Variants in SMIM35 observed in about 807,000 individuals in gnomAD.
SMIM35 encodes small integral membrane protein 35.
In SMIM35 at chr11:118,058,680, A is replaced by G. The variant is rs1944351657; in HGVS notation, c.7+28071T>C. 2.0e-5 allele frequency among the ~76,000 whole-genome samples: 3 copies of G among 152,292 alleles called. No individual in the cohort carries two copies. In the South Asian group the frequency reaches 6.2e-4, roughly 32 times the overall value. On this transcript the variant is annotated intron_variant, in intron 1 of 4. Transcript: ENST00000689828. ...AGTGCAGACTGGGAACCAAAAACCCAGGGCACCCATCTGGACCCGAGGGCT... is the reference window on the plus strand; with the variant it reads ...AGTGCAGACTGGGAACCAAAAACCCGGGGCACCCATCTGGACCCGAGGGCT...
At position 118,004,397 on chromosome 11, in the gene SMIM35, G is replaced by C. The variant is rs186689415; in HGVS notation, c.*2013C>G. On this transcript the variant is annotated 3_prime_UTR_variant, in exon 5 of 5. Transcript: ENST00000689828. ...ATTATCAAGATGGGGCAACAGGCTG[G>C]AGTGAAAGAAGGAGGTCTCAGAAGT... The C allele has an allele frequency of 6.6e-6, 1 of 152,404 alleles. No individual in the cohort carries two copies. Among genetic ancestry groups the C allele is most frequent in the Admixed American group, 6.5e-5 (1 of 15,300 alleles). The allele number at this position is 152,404 out of a possible 1,614,324, so 9.4% of individuals were successfully genotyped here.
At chr11:118,044,315 G>GA (rs34422344) in intron 1 of SMIM35, among the ~76,000 whole-genome samples, 44,599 of 134,050 alleles carry the variant, frequency 0.33, 8,069 homozygotes, top group Non-Finnish European at 0.42. Context: ...TGGCAGAATT[G>GA]AAAAAAAAAA....
intron 1 of SMIM35, among the ~76,000 whole-genome samples, chr11:118,061,662 T>C (rs934846319): frequency 2.6e-5 from 4 of 152,278 alleles, no homozygotes; most frequent in African/African-American, 7.2e-5. Flanking sequence ...CAGAACCTGC[T>C]TATGTTCCCC....
At chr11:118,006,640 T>C (rs149272512) in intron 4 of SMIM35, among the ~76,000 whole-genome samples, 186 of 152,320 alleles carry the variant, frequency 1.2e-3, no homozygotes, top group African/African-American at 4.1e-3. Flanking sequence ...TGAAGAAGCA[T>C]AGTATCCAAA....
chr11:118,059,368 A>T (rs993386419), intron 1 of SMIM35: 5 of 151,920 alleles, frequency 3.3e-5, no homozygotes, highest in Admixed American at 6.6e-5. Context: ...GGTGCCCCTC[A>T]CTCCTCACAC....
chr11:118,049,496 A>G (rs1240385381), intron 1 of SMIM35, among the ~76,000 whole-genome samples: 2 of 151,226 alleles, frequency 1.3e-5, no homozygotes, highest in Non-Finnish European at 3.0e-5. Context: ...TTACAGGCAC[A>G]CACCACCACG....
chr11:118,003,918 G>C lies in SMIM35; in HGVS notation c.*2492C>G, dbSNP rs1362004187. The stretch of plus-strand genomic sequence containing the variant: ...ACAGGGTAGGAGGCTGTCTTAGGCT[G>C]GGCTACTATAACAAAACACCATGGA... On this transcript the variant is annotated 3_prime_UTR_variant, in exon 5 of 5. Transcript: ENST00000689828. 1 of 152,282 alleles carries C rather than the reference G, an allele frequency of 6.6e-6. No homozygotes were observed. Among genetic ancestry groups the C allele is most frequent in the Non-Finnish European group, 1.5e-5 (1 of 68,080 alleles). The allele number at this position is 152,282 out of a possible 1,614,324, so 9.4% of individuals were successfully genotyped here.
At chr11:118,066,690 C>T (rs892293867) in intron 1 of SMIM35, among the ~76,000 whole-genome samples, 1 of 151,964 alleles carries the variant, frequency 6.6e-6, no homozygotes, top group Non-Finnish European at 1.5e-5. Context: ...TTATCTTAGC[C>T]GGGCATGGTG....
chr11:118,034,911 C>A (rs2058347626), intron 1 of SMIM35, among the ~76,000 whole-genome samples: 1 of 152,060 alleles, frequency 6.6e-6, no homozygotes, highest in Non-Finnish European at 1.5e-5. Flanking sequence ...GTTAGTAAGT[C>A]CAAATTGCGG....
At chr11:118,064,632 GT>G (rs944414181) in intron 1 of SMIM35, among the ~76,000 whole-genome samples, 1 of 151,264 alleles carries the variant, frequency 6.6e-6, no homozygotes, top group Non-Finnish European at 1.5e-5. Flanking sequence ...ATTTTTTGTT[GT>G]TTTTTTCATC....
chr11:118,065,484 T>A lies in SMIM35; in HGVS notation c.7+21267A>T, dbSNP rs928890739. Among the ~76,000 whole-genome samples the A allele has an allele frequency of 9.2e-5, 14 of 152,216 alleles. No homozygotes were observed. In the East Asian group the frequency reaches 1.5e-3, roughly 17 times the overall value. On this transcript the variant is annotated intron_variant, in intron 1 of 4. Coordinates refer to ENST00000689828, the MANE Select transcript of SMIM35 (RefSeq NM_001394165.1). ...AAAACCCCAACTTTCACACCTTCCG[T>A]CGCTGGCCAACTTTTCTTTTGCATA...
intron 1 of SMIM35, among the ~76,000 whole-genome samples, chr11:118,050,911 C>A (rs1023131404): frequency 8.5e-5 from 13 of 152,220 alleles, no homozygotes; most frequent in Admixed American, 2.6e-4. Context: ...TGACCTCCCC[C>A]AATCCATCCC....
At chr11:118,058,154 G>A (rs1360797831) in intron 1 of SMIM35, among the ~76,000 whole-genome samples, 4 of 152,124 alleles carry the variant, frequency 2.6e-5, no homozygotes, top group South Asian at 2.1e-4. Context: ...TCAGGTCCCC[G>A]TGGCCTGGGG....
intron 1 of SMIM35, among the ~76,000 whole-genome samples, chr11:118,059,895 C>T (rs1206311583): frequency 6.6e-6 from 1 of 152,214 alleles, no homozygotes. Flanking sequence ...AGAGGCCTCC[C>T]ACTCCCTCCG....
intron 1 of SMIM35, among the ~76,000 whole-genome samples, chr11:118,046,516 C>A (rs1168582375): frequency 2.6e-5 from 4 of 152,178 alleles, no homozygotes; most frequent in Non-Finnish European, 5.9e-5. Flanking sequence ...GCCTGCTTAG[C>A]CCTCAACCTC....
chr11:118,049,601 G>A (rs903141562), intron 1 of SMIM35, among the ~76,000 whole-genome samples: 6 of 151,840 alleles, frequency 4.0e-5, no homozygotes, highest in Admixed American at 1.3e-4. Context: ...CACCCACCTC[G>A]GCCTCCCAAA....
intron 1 of SMIM35, among the ~76,000 whole-genome samples, chr11:118,018,953 C>CA (rs142212670): frequency 0.096 from 14,540 of 151,978 alleles, 958 homozygotes; most frequent in East Asian, 0.36. Context: ...AGTAATTTTT[C>CA]AAAGAATTCT....
chr11:118,082,787 G>T (rs1286829729), intron 1 of SMIM35, among the ~76,000 whole-genome samples: 1 of 152,178 alleles, frequency 6.6e-6, no homozygotes, highest in Non-Finnish European at 1.5e-5. Flanking sequence ...ATTATAAGTG[G>T]ATCAGGCCTA....
intron 1 of SMIM35, among the ~76,000 whole-genome samples, chr11:118,069,404 G>T (rs1390512461): frequency 6.6e-6 from 1 of 151,670 alleles, no homozygotes; most frequent in Non-Finnish European, 1.5e-5. Context: ...TCCCTGCCTC[G>T]CCCCCACACT....
Sources: allele counts gnomAD v4.1 joint callset (sites outside exome capture counted in the v4.1 genomes callset), GRCh38; gene constraint gnomAD v4.1.1; transcripts MANE v1.5; gene names NCBI Gene and HGNC (gene_info 2026-07-23, HGNC 2026-07-21).